Variants in ITFG2 observed in about 807,000 individuals in gnomAD.
ITFG2 encodes the protein integrin alpha FG-GAP repeat containing 2, also known as KICSTOR complex protein ITFG2.
Under a neutral mutation model 54.4 loss-of-function variants are expected in ITFG2, and 36 were observed. That is an observed-to-expected ratio of 0.66 (90% CI 0.51 to 0.87). The LOEUF (loss-of-function observed/expected upper bound fraction) is 0.87, where lower values mean the gene tolerates loss of function less well. Among genes scored for constraint, ITFG2 ranks in the 40% least tolerant of loss-of-function variants. The probability of loss-of-function intolerance (pLI) is 0.00; values close to 1 mark genes in which losing one functional copy is unlikely to be tolerated. For synonymous variants in ITFG2, 211 were observed against 225.4 expected (o/e 0.94, Z 0.57); for missense variants, 524 against 576.7 (o/e 0.91, Z 0.94).
intron 3 of ITFG2, chr12:2,859,349 G>A (rs199770599): frequency 1.1e-5 from 17 of 1,613,682 alleles, no homozygotes; most frequent in East Asian, 6.7e-5. Flanking sequence ...GCATTTCCGA[G>A]ACACACCGGG....
Position 2,845,039 on chromosome 12 carries a change from G to A in ITFG2, n.300+4044G>A, listed in dbSNP as rs1014100988. On this transcript the variant is annotated intron_variant and non_coding_transcript_variant, in intron 2 of 3. Transcript: ENST00000537710. The surrounding 1 kb of genome is among the most constrained non-coding windows in gnomAD (Gnocchi z 4.2). The stretch of plus-strand genomic sequence containing the variant: ...GTGGAGCAGCTATGTGAAGAGCCAC[G>A]GGAACCGCTACCTGTGATGGCAGGT... Among the ~76,000 whole-genome samples, 3 of 152,170 alleles carry A rather than the reference G, an allele frequency of 2.0e-5. No individual in the cohort carries two copies. The highest frequency in any genetic ancestry group is 1.9e-4 in the East Asian group (1 of 5,188).
intron 10 of ITFG2, among the ~76,000 whole-genome samples, chr12:2,823,225 A>G (rs1051880617): frequency 1.3e-5 from 2 of 152,276 alleles, no homozygotes; most frequent in African/African-American, 4.8e-5. Context: ...AAAGAATGGA[A>G]TGAGTTTCTG....
intron 5 of ITFG2, 71 bp from the exon 6 acceptor site, chr12:2,820,653 C>T (rs1261369852): frequency 1.1e-6 from 1 of 915,554 alleles, no homozygotes; most frequent in South Asian, 1.8e-5. Flanking sequence ...CACCCACCGC[C>T]CCCTGCCGTT....
Position 2,820,738 on chromosome 12 carries a change from A to G in ITFG2, c.561A>G (p.Ser187=). 1.2e-6 allele frequency: 2 copies of G among 1,612,078 alleles called. No homozygotes were observed. Among genetic ancestry groups the G allele is most frequent in the Middle Eastern group, 1.7e-4 (1 of 6,054 alleles). ...CCCTGGTGCAGGTGGACAGCCTCTC[A>G]GTGACTCTGGGGCCACTGGGTCTTC... ...WMLEGQVDSL[S]VTLGPLGLPE... The change falls in exon 6 of 12, where the codon TCA becomes TCG. Residue 187 remains serine, a synonymous_variant. Coordinates refer to ENST00000228799, the MANE Select transcript of ITFG2 (RefSeq NM_018463.4).
Position 2,859,104 on chromosome 12 carries a change from G to A in ITFG2, n.621-430G>A, listed in dbSNP as rs999276165. 1.9e-6 allele frequency: 3 copies of A among 1,606,320 alleles called. No homozygotes were observed. The highest frequency in any genetic ancestry group is 1.3e-5 in the African/African-American group (1 of 74,760). On this transcript the variant is annotated intron_variant and non_coding_transcript_variant, in intron 3 of 3. Coordinates refer to the ITFG2 transcript ENST00000537710. ...GAGGACAGATTTGCTCGGGGTGGAGGAGATGGGCAGCGTTTCCTTAATGGG... is the reference window on the plus strand; with the variant it reads ...GAGGACAGATTTGCTCGGGGTGGAGAAGATGGGCAGCGTTTCCTTAATGGG...
At chr12:2,857,213 GA>G (rs1452773551) in intron 2 of ITFG2, 2 of 607,072 alleles carry the variant, frequency 3.3e-6, no homozygotes, top group Non-Finnish European at 2.9e-6. Context: ...ACAGGCAGGG[GA>G]TAGCACTTTC....
At chr12:2,858,547 C>T in intron 3 of ITFG2, 2 of 1,131,918 alleles carry the variant, frequency 1.8e-6, no homozygotes, top group South Asian at 1.5e-5. Flanking sequence ...ACAGTCCCTG[C>T]CTGCTGTCCT....
upstream of ITFG2, among the ~76,000 whole-genome samples, chr12:2,836,523 A>G (rs1228473185): frequency 6.6e-6 from 1 of 152,192 alleles, no homozygotes; most frequent in Non-Finnish European, 1.5e-5. Flanking sequence ...CACTTTCACA[A>G]CCACTGCAAT....
At chr12:2,858,405 T>C in intron 3 of ITFG2, 1 of 512,470 alleles carries the variant, frequency 2.0e-6, no homozygotes, top group East Asian at 3.1e-5. Flanking sequence ...GCCTTTGTTG[T>C]TCCCACCCTT....
intron 1 of ITFG2, among the ~76,000 whole-genome samples, chr12:2,839,368 C>T (rs1366898736): frequency 6.6e-6 from 1 of 152,172 alleles, no homozygotes; most frequent in Non-Finnish European, 1.5e-5. Flanking sequence ...GAAGAAACTT[C>T]GTCCAACTAT....
Position 2,817,844 on chromosome 12 carries a change from T to TC in ITFG2, c.193-64dup, listed in dbSNP as rs1472910808. ...AGAAAACCTGCCCGCTCCTCCTGCT[T>TC]CACAGAGATCAGGGAGTACTGGTCT... On this transcript the variant is annotated intron_variant, in intron 2 of 11. Coordinates refer to ENST00000228799, the MANE Select transcript of ITFG2 (RefSeq NM_018463.4). 2.7e-6 allele frequency: 4 copies of TC among 1,498,858 alleles called. No individual in the cohort carries two copies. The African/African-American group carries it at 5.6e-5, about 21-fold the overall frequency. The allele number at this position is 1,498,858 out of a possible 1,614,324, so 92.8% of individuals were successfully genotyped here. A position where few individuals can be genotyped will look rare whatever the true frequency, so the allele number is the denominator to read the frequency against.
chr12:2,849,108 G>C, intron 2 of ITFG2: 1 of 992,670 alleles, frequency 1.0e-6, no homozygotes, highest in African/African-American at 1.6e-5. Context: ...GGATGGTGGA[G>C]AGGCTGTTCT....
intron 9 of ITFG2, 83 bp downstream of exon 9, chr12:2,821,875 A>C: frequency 8.8e-5 from 90 of 1,025,318 alleles, no homozygotes; most frequent in Non-Finnish European, 1.2e-4. Flanking sequence ...GGCTATTCTC[A>C]CATCCCAGGG....
At chr12:2,819,872 A>G (rs2097936864) in intron 4 of ITFG2, 2 of 443,460 alleles carry the variant, frequency 4.5e-6, no homozygotes, top group Non-Finnish European at 7.8e-6. Context: ...AAGTAATATG[A>G]AGGCAGAGAG....
In ITFG2 at chr12:2,855,042, C is replaced by T. The variant is rs544024065; in HGVS notation, n.301-2970C>T. ...GCTTCTTCCTTTTCATGTCCACAAA[C>T]GTGGGATAACAGTGGATGAAGGTCA... is the stretch of plus-strand genomic sequence containing the variant. On this transcript the variant is annotated intron_variant and non_coding_transcript_variant, in intron 2 of 3. Transcript: ENST00000537710. The T allele has an allele frequency of 4.6e-6, 7 of 1,536,068 alleles. No individual in the cohort carries two copies. In the African/African-American group the frequency reaches 6.8e-5, roughly 15 times the overall value.
At chr12:2,817,442 C>T (rs2097925139) in intron 2 of ITFG2, 124 bp downstream of exon 2, 1 of 649,440 alleles carries the variant, frequency 1.5e-6, no homozygotes, top group South Asian at 1.9e-5. Context: ...TGGGCCCAGC[C>T]ACTGACTTGC....
chr12:2,837,712 TCAA>T (rs1193071666), intron 1 of ITFG2, among the ~76,000 whole-genome samples: 1 of 151,712 alleles, frequency 6.6e-6, no homozygotes, highest in East Asian at 1.9e-4. Flanking sequence ...ACCTATAGTC[TCAA>T]CTACTCAGGA....
chr12:2,820,275 T>G (rs1565413151), intron 5 of ITFG2, 50 bp downstream of exon 5: 1 of 1,510,402 alleles, frequency 6.6e-7, no homozygotes, highest in African/African-American at 1.4e-5. Flanking sequence ...GGGAGGAAGG[T>G]CTCCTGGAGG....
upstream of ITFG2, among the ~76,000 whole-genome samples, chr12:2,832,464 C>T (rs947028128): frequency 1.8e-4 from 28 of 152,020 alleles, no homozygotes; most frequent in Admixed American, 5.9e-4. Flanking sequence ...CTTCTCGAGG[C>T]TAGACTGGAT....
Sources: allele counts gnomAD v4.1 joint callset (sites outside exome capture counted in the v4.1 genomes callset), GRCh38; gene constraint gnomAD v4.1.1; non-coding constraint Gnocchi (gnomAD v3.1); transcripts MANE v1.5; gene names NCBI Gene and HGNC (gene_info 2026-07-23, HGNC 2026-07-21).